PAFAH2: variants seen among roughly 807,000 people sequenced by gnomAD.
PAFAH2 encodes platelet activating factor acetylhydrolase 2.
In PAFAH2, 42 loss-of-function variants were observed where a neutral mutation model predicts 49.0. The ratio of observed to expected loss-of-function variants is 0.86; its 90% CI spans 0.67 to 1.11. The LOEUF is 1.11. Ranked by LOEUF, PAFAH2 falls within the 50% of genes least tolerant of loss-of-function variation. The pLI is 0.00. For synonymous variants in PAFAH2, 184 were observed against 181.3 expected, an observed-to-expected ratio of 1.01 and a Z score of -0.12; for missense variants, 503 against 501.8, an observed-to-expected ratio of 1.00 and a Z score of -0.02.
At chr1:25,976,840 G>T in intron 7 of PAFAH2, 67 bp from the exon 8 acceptor site, 2 of 1,306,586 alleles carry the variant, frequency 1.5e-6, no homozygotes, top group Non-Finnish European at 2.2e-6. Context: ...TTCATCAGGA[G>T]CAAGAGGAAG....
chr1:25,977,484 T>A (rs1006031273), intron 7 of PAFAH2, among the ~76,000 whole-genome samples: 1 of 151,244 alleles, frequency 6.6e-6, no homozygotes, highest in Admixed American at 6.6e-5. Flanking sequence ...CAAAACCTTC[T>A]CTTTACAAAA....
chr1:25,990,690 C>T lies in PAFAH2; in HGVS notation c.90+37G>A, dbSNP rs759317600. ...CAGTAAGTCACGGTGCCGGCAGAAG[C>T]AGTGCAAACAGAAGAAAGGGAGCTG... On this transcript the variant is annotated intron_variant, in intron 2 of 10. Coordinates refer to ENST00000374282, the MANE Select transcript of PAFAH2 (RefSeq NM_000437.4). 2.0e-6 allele frequency: 3 copies of T among 1,499,814 alleles called. No individual in the cohort carries two copies. In the Admixed American group the frequency reaches 5.0e-5, roughly 25 times the overall value. 92.9% of individuals were successfully genotyped at this position (1,499,814 alleles called of 1,614,324 possible).
At chr1:25,994,805 A>C (rs2049917632) in intron 1 of PAFAH2, among the ~76,000 whole-genome samples, 1 of 152,162 alleles carries the variant, frequency 6.6e-6, no homozygotes, top group African/African-American at 2.4e-5. Context: ...AAATGGCCAA[A>C]CAGAAGACAG....
intron 10 of PAFAH2, among the ~76,000 whole-genome samples, chr1:25,967,423 AGAG>A (rs2049443601): frequency 6.6e-6 from 1 of 152,190 alleles, no homozygotes. Context: ...AGCCATTAGA[AGAG>A]GTCCAGGCAC....
At chr1:25,993,382 C>T (rs1031772819) in intron 1 of PAFAH2, among the ~76,000 whole-genome samples, 1 of 152,048 alleles carries the variant, frequency 6.6e-6, no homozygotes, top group South Asian at 2.1e-4. Context: ...TCGTTTTCCC[C>T]TTCTCCGCGT....
chr1:25,990,982 C>T lies in PAFAH2; in HGVS notation c.-47-119G>A, dbSNP rs1004728288. ...CTTAGCACCTCATCCTCCCTGCCGT[C>T]GCTCATTAAATCTTGCACCTACTAC... On this transcript the variant is annotated intron_variant, in intron 1 of 10. Coordinates refer to ENST00000374282, the MANE Select transcript of PAFAH2 (RefSeq NM_000437.4). 23 of 580,586 alleles carry T rather than the reference C, an allele frequency of 4.0e-5. No individual in the cohort carries two copies. In the East Asian group the frequency reaches 6.7e-4, roughly 17 times the overall value. 36.0% of individuals were successfully genotyped at this position (580,586 alleles called of 1,614,324 possible). A position where few individuals can be genotyped will look rare whatever the true frequency, so the allele number is the denominator to read the frequency against.
At chr1:25,977,988 T>A (rs2049622429) in intron 7 of PAFAH2, among the ~76,000 whole-genome samples, 1 of 152,144 alleles carries the variant, frequency 6.6e-6, no homozygotes. Flanking sequence ...CTATTTCTAG[T>A]CGTCCCCAGA....
chr1:25,979,212 T>C (rs1202840406), intron 7 of PAFAH2, among the ~76,000 whole-genome samples: 1 of 152,232 alleles, frequency 6.6e-6, no homozygotes, highest in Non-Finnish European at 1.5e-5. Flanking sequence ...TCTTACTCAA[T>C]TTGATAGATG....
intron 1 of PAFAH2, among the ~76,000 whole-genome samples, chr1:25,997,264 A>G (rs764214488): frequency 3.6e-4 from 55 of 152,254 alleles, no homozygotes; most frequent in Non-Finnish European, 5.9e-4. Flanking sequence ...TAGACAATGA[A>G]GACACCAAGC....
At chr1:25,992,848 A>C (rs1429289630) in intron 1 of PAFAH2, among the ~76,000 whole-genome samples, 1 of 152,212 alleles carries the variant, frequency 6.6e-6, no homozygotes, top group East Asian at 1.9e-4. Context: ...TATTTGGATG[A>C]AAAGTGCGCG....
intron 7 of PAFAH2, among the ~76,000 whole-genome samples, chr1:25,979,202 T>A (rs571736001): frequency 8.2e-4 from 125 of 152,328 alleles, no homozygotes; most frequent in Middle Eastern, 3.4e-3. Flanking sequence ...AATTTTTGGA[T>A]CTTACTCAAT....
intron 10 of PAFAH2, among the ~76,000 whole-genome samples, chr1:25,967,932 G>A (rs1320024764): frequency 3.9e-5 from 6 of 152,252 alleles, no homozygotes; most frequent in Admixed American, 3.3e-4. Context: ...TTGGGTGGCC[G>A]AGGTGGGCGG....
Position 25,961,969 on chromosome 1 carries a change from T to A in PAFAH2, c.*20A>T. 1 of 1,605,368 alleles carries A rather than the reference T, an allele frequency of 6.2e-7. No homozygotes were observed. The highest frequency in any genetic ancestry group is 8.5e-7 in the Non-Finnish European group (1 of 1,173,082). ...AAATGAAAACTTGGCTGAAGTGACT[T>A]TACAAATGGCCAGTTGTGCCTACAG... On this transcript the variant is annotated 3_prime_UTR_variant, in exon 11 of 11. Transcript: ENST00000374282.
At chr1:25,966,201 C>T (rs1024175977) in intron 10 of PAFAH2, among the ~76,000 whole-genome samples, 2 of 152,114 alleles carry the variant, frequency 1.3e-5, no homozygotes, top group Non-Finnish European at 2.9e-5. Flanking sequence ...CCATGGAAAA[C>T]GGTATGGAGA....
chr1:25,993,179 A>G (rs970263924), intron 1 of PAFAH2, among the ~76,000 whole-genome samples: 6 of 152,184 alleles, frequency 3.9e-5, no homozygotes, highest in Non-Finnish European at 7.3e-5. Flanking sequence ...GGTTAAACCA[A>G]CTGAAGTTAG....
At chr1:25,984,637 A>G (rs1454083108) in intron 4 of PAFAH2, 109 bp from the exon 5 acceptor site, 4 of 786,844 alleles carry the variant, frequency 5.1e-6, no homozygotes, top group Non-Finnish European at 8.8e-6. Context: ...TACCACATCA[A>G]CCTTAACTGT....
intron 6 of PAFAH2, 94 bp from the exon 7 acceptor site, chr1:25,982,571 T>C: frequency 1.0e-6 from 1 of 965,630 alleles, no homozygotes; most frequent in South Asian, 1.4e-5. Flanking sequence ...AATGCACAGA[T>C]AGTCTACCCA....
rs2049703390 is a variant in PAFAH2 at position 25,982,392 on chromosome 1, G to C, written c.638C>G (p.Pro213Arg). 6.2e-7 allele frequency: 1 copy of C among 1,613,906 alleles called. No homozygotes were observed. The highest frequency in any genetic ancestry group is 1.3e-5 in the African/African-American group (1 of 74,918). Residue 213 changes from proline (P) to arginine (R), a missense_variant, in exon 7 of 11, where the codon CCT becomes CGT. Pro to Arg is a moderately radical substitution (Grantham distance 103). Coordinates refer to ENST00000374282, the MANE Select transcript of PAFAH2 (RefSeq NM_000437.4). ...CAAAGTCATCAGATCCAAGCCACCAGGCAAGATGTTGAAGACAGTCTGCCC... is the reference window on the plus strand; with the variant it reads ...CAAAGTCATCAGATCCAAGCCACCACGCAAGATGTTGAAGACAGTCTGCCC... ...TAGQTVFNIL[P>R]GGLDLMTLKG...
intron 10 of PAFAH2, 28 bp from the exon 11 acceptor site, chr1:25,962,111 G>A (rs780123004): frequency 6.4e-7 from 1 of 1,563,920 alleles, no homozygotes; most frequent in East Asian, 2.2e-5. Flanking sequence ...AGGAACATTA[G>A]GCAAATCATT....
Sources: allele counts gnomAD v4.1 joint callset (sites outside exome capture counted in the v4.1 genomes callset), GRCh38; gene constraint gnomAD v4.1.1; transcripts MANE v1.5; gene names NCBI Gene and HGNC (gene_info 2026-07-23, HGNC 2026-07-21).